FBLN2: variants seen among roughly 807,000 people sequenced by gnomAD.
The protein encoded by FBLN2 is fibulin-2.
Under a neutral mutation model 123.7 loss-of-function variants are expected in FBLN2, and 81 were observed. The ratio of observed to expected loss-of-function variants is 0.65; its 90% CI spans 0.55 to 0.79. The LOEUF (loss-of-function observed/expected upper bound fraction) is 0.79, where lower values mean the gene tolerates loss of function less well. Ranked by LOEUF, FBLN2 falls within the 30% of genes least tolerant of loss-of-function variation. FBLN2 has a pLI of 0.00. For synonymous variants in FBLN2, 699 were observed against 701.4 expected (o/e 1.00, Z 0.05); for missense variants, 1,603 against 1,681.3 (o/e 0.95, Z 0.81).
chr3:13,569,966 G>A (rs1050293271), intron 1 of FBLN2, among the ~76,000 whole-genome samples: 1 of 152,102 alleles, frequency 6.6e-6, no homozygotes, highest in Non-Finnish European at 1.5e-5. Flanking sequence ...CCGAGTGGGT[G>A]TGGGGCTGTG....
rs150591497 is a variant in FBLN2, at chr3:13,583,163, C to T, written c.1306+11502C>T. Among the ~76,000 whole-genome samples the T allele has an allele frequency of 2.5e-3, 386 of 152,382 alleles. 1 individual carries two copies. The highest frequency in any genetic ancestry group is 4.3e-3 in the Non-Finnish European group (292 of 68,036). The stretch of plus-strand genomic sequence containing the variant: ...CTTCCCACAGACAAGGGGAGGGGCA[C>T]CCTCCTCTACTGAGTCTGCATGCGG... On this transcript the variant is annotated intron_variant, in intron 2 of 17. Transcript: ENST00000404922.
intron 6 of FBLN2, among the ~76,000 whole-genome samples, 170 bp downstream of exon 6, chr3:13,618,455 A>G (rs1310702358): frequency 6.6e-6 from 1 of 152,174 alleles, no homozygotes; most frequent in Non-Finnish European, 1.5e-5. Flanking sequence ...AGGCAGGAAA[A>G]ATAGAAGCTT....
intron 2 of FBLN2, among the ~76,000 whole-genome samples, chr3:13,584,986 C>A (rs554420344): frequency 6.6e-6 from 1 of 152,346 alleles, no homozygotes; most frequent in South Asian, 2.1e-4. Context: ...TCTGTCCCTT[C>A]CCCACCAAGC....
At chr3:13,569,211 G>GAC in intron 1 of FBLN2, 1 of 207,736 alleles carries the variant, frequency 4.8e-6, no homozygotes, top group Non-Finnish European at 8.3e-6. Context: ...GGGGAGAAGA[G>GAC]CCCTTGGGGG....
intron 2 of FBLN2, among the ~76,000 whole-genome samples, chr3:13,606,500 G>C (rs1433664300): frequency 1.3e-5 from 2 of 152,206 alleles, no homozygotes; most frequent in African/African-American, 4.8e-5. Flanking sequence ...AACAACTCAG[G>C]AGTGAGGGGT....
chr3:13,572,367 G>A (rs1040116628), intron 2 of FBLN2, among the ~76,000 whole-genome samples: 5 of 152,240 alleles, frequency 3.3e-5, no homozygotes, highest in African/African-American at 1.2e-4. Context: ...CAGCAGCACC[G>A]AGTGCTTACT....
intron 10 of FBLN2, 93 bp from the exon 11 acceptor site, chr3:13,627,739 A>G (rs1052621234): frequency 8.4e-6 from 12 of 1,436,912 alleles, no homozygotes; most frequent in Middle Eastern, 4.5e-4. Context: ...CATCAGGGTC[A>G]TGGGTCTGAG....
chr3:13,574,537 G>A (rs1006048942), intron 2 of FBLN2, among the ~76,000 whole-genome samples: 1 of 152,182 alleles, frequency 6.6e-6, no homozygotes, highest in Non-Finnish European at 1.5e-5. Flanking sequence ...TGGCCTGGCC[G>A]AGGCAGTCTG....
At chr3:13,579,549 G>A (rs146214694) in intron 2 of FBLN2, among the ~76,000 whole-genome samples, 223 of 152,362 alleles carry the variant, frequency 1.5e-3, no homozygotes, top group African/African-American at 4.9e-3. Context: ...AACATAGGAC[G>A]CACAGCGTTC....
intron 1 of FBLN2, among the ~76,000 whole-genome samples, chr3:13,550,892 A>T (rs1010290276): frequency 3.9e-5 from 6 of 152,190 alleles, no homozygotes; most frequent in Non-Finnish European, 7.3e-5. Flanking sequence ...CCATGTTATT[A>T]TTATTTTAAA....
chr3:13,613,995 C>G lies in FBLN2; in HGVS notation c.1560C>G (p.Asp520Glu), dbSNP rs1705490570. ...CGISLYKQCC[D>E]CCGLGLRVRA... is the part of the protein sequence containing the mutation. ...GTCTCTCCCTGCAGCAATGCTGTGA[C>G]TGCTGTGGCCTGGGCCTCCGCGTGC... The change falls in exon 5 of 18, where the codon GAC becomes GAG. Residue 520 changes from aspartate to glutamate, a missense_variant. Asp to Glu is a conservative substitution (Grantham distance 45). Coordinates refer to ENST00000404922, the MANE Select transcript of FBLN2 (RefSeq NM_001004019.2). 1 of 1,612,250 alleles carries G rather than the reference C, an allele frequency of 6.2e-7. No individual in the cohort carries two copies.
At chr3:13,569,802 G>T (rs150443232) in intron 1 of FBLN2, among the ~76,000 whole-genome samples, 103 of 150,872 alleles carry the variant, frequency 6.8e-4, no homozygotes, top group African/African-American at 2.3e-3. Flanking sequence ...TCAAGGATCT[G>T]GGGGGAGGGA....
intron 2 of FBLN2, among the ~76,000 whole-genome samples, chr3:13,575,727 C>A (rs1468098555): frequency 6.6e-6 from 1 of 152,068 alleles, no homozygotes; most frequent in Non-Finnish European, 1.5e-5. Flanking sequence ...ATTTCAGAAA[C>A]CCTGGAAGCT....
At chr3:13,558,335 T>A (rs1043511761) in intron 1 of FBLN2, among the ~76,000 whole-genome samples, 6 of 152,120 alleles carry the variant, frequency 3.9e-5, no homozygotes, top group Non-Finnish European at 8.8e-5. Context: ...TCTGTCAGTC[T>A]CTGTGTCTCT....
chr3:13,557,369 A>G (rs1703491012), intron 1 of FBLN2, among the ~76,000 whole-genome samples: 2 of 152,234 alleles, frequency 1.3e-5, no homozygotes, highest in African/African-American at 4.8e-5. Flanking sequence ...TGTTTTCACA[A>G]ATGTCAGGAT....
Position 13,608,019 on chromosome 3 carries a change from G to A in FBLN2, c.1307-43G>A, listed in dbSNP as rs937733080. ...GGCCCCTGCATATCTGCTGGACTTG[G>A]TGACTTATGAATGGTGACTCTGCCT... On this transcript the variant is annotated intron_variant, in intron 2 of 17. Transcript: ENST00000404922. 7.3e-6 allele frequency: 11 copies of A among 1,498,898 alleles called. No individual in the cohort carries two copies. The African/African-American group carries it at 9.7e-5, about 13-fold the overall frequency. The allele number at this position is 1,498,898 out of a possible 1,614,324, so 92.8% of individuals were successfully genotyped here.
chr3:13,601,883 C>T (rs1705044731), intron 2 of FBLN2, among the ~76,000 whole-genome samples: 1 of 152,164 alleles, frequency 6.6e-6, no homozygotes, highest in African/African-American at 2.4e-5. Flanking sequence ...CTGAAGCCTC[C>T]ATCTCCTGGG....
intron 10 of FBLN2, among the ~76,000 whole-genome samples, chr3:13,627,128 G>C (rs1706071005): frequency 6.6e-6 from 1 of 151,968 alleles, no homozygotes; most frequent in Non-Finnish European, 1.5e-5. Context: ...GTGACTGGGG[G>C]CTGGGGGCCC....
At position 13,619,062 on chromosome 3, in the gene FBLN2, G is replaced by C. The variant is rs911359606; in HGVS notation, c.2053+45G>C. 3 of 1,486,760 alleles carry C rather than the reference G, an allele frequency of 2.0e-6. No individual in the cohort carries two copies. The African/African-American group carries it at 4.1e-5, about 21-fold the overall frequency. The allele number at this position is 1,486,760 out of a possible 1,614,324, so 92.1% of individuals were successfully genotyped here. ...TCTCCAGGACAGGGCCCAGGGTCCA[G>C]GGGGTGGGTCTGGGCTGCTTGCAGG... On this transcript the variant is annotated intron_variant, in intron 7 of 17. Transcript: ENST00000404922.
Sources: allele counts gnomAD v4.1 joint callset (sites outside exome capture counted in the v4.1 genomes callset), GRCh38; gene constraint gnomAD v4.1.1; transcripts MANE v1.5; gene names NCBI Gene and HGNC (gene_info 2026-07-23, HGNC 2026-07-21).